The following PARD3B variants were observed in gnomAD, a reference collection of about 807,000 sequenced individuals.
PARD3B encodes par-3 family cell polarity regulator beta, also known as partitioning defective 3 homolog B.
In PARD3B, 103 loss-of-function variants were observed where a neutral mutation model predicts 130.2. The observed-to-expected ratio is 0.79, with a 90% CI of 0.67 to 0.93. PARD3B has a LOEUF of 0.93. PARD3B is among the 40% of genes least tolerant of loss of function. The pLI is 0.00. For missense variants in PARD3B, 1,609 were observed against 1,499.2 expected (o/e 1.07, Z -1.21); for synonymous variants, 583 against 553.2 (o/e 1.05, Z -0.76).
chr2:204,666,792 A>T (rs1056281831), intron 1 of PARD3B, among the ~76,000 whole-genome samples: 1 of 152,070 alleles, frequency 6.6e-6, no homozygotes, highest in African/African-American at 2.4e-5. Flanking sequence ...CTATGTTGAG[A>T]TGTAAGGTTG....
Position 205,291,991 on chromosome 2 carries a change from G to A in PARD3B, c.2186-8539G>A, listed in dbSNP as rs1015712392. On this transcript the variant is annotated intron_variant, in intron 16 of 22. Coordinates refer to ENST00000406610, the MANE Select transcript of PARD3B (RefSeq NM_001302769.2). This position sits in a 1 kb window ranked among gnomAD's most constrained non-coding sequence, Gnocchi z 4.6. The stretch of plus-strand genomic sequence containing the variant: ...GCAAGGGCCCTGGAGACAGAGTGGT[G>A]TCAAAGGAGGGGCTGCTGGTGCCCT... Among the ~76,000 whole-genome samples, 2 of 152,232 alleles carry A rather than the reference G, an allele frequency of 1.3e-5. No individual in the cohort carries two copies. The highest frequency in any genetic ancestry group is 2.9e-5 in the Non-Finnish European group (2 of 68,030).
intron 3 of PARD3B, among the ~76,000 whole-genome samples, chr2:205,002,895 T>G (rs1024241969): frequency 6.6e-6 from 1 of 152,194 alleles, no homozygotes; most frequent in Non-Finnish European, 1.5e-5. Flanking sequence ...GCCGGGGTAA[T>G]GCACTCCTCC....
At chr2:204,798,341 G>C (rs1357002354) in intron 2 of PARD3B, among the ~76,000 whole-genome samples, 1 of 152,214 alleles carries the variant, frequency 6.6e-6, no homozygotes, top group Non-Finnish European at 1.5e-5. Context: ...CACTCATGGA[G>C]GGAGCATTTA....
chr2:204,550,908 TA>T (rs1469899644), intron 1 of PARD3B, among the ~76,000 whole-genome samples: 3 of 152,226 alleles, frequency 2.0e-5, no homozygotes, highest in Admixed American at 1.3e-4. Flanking sequence ...CCTTGTTACC[TA>T]AATAGATTTT....
At chr2:205,066,411 G>A (rs1303218743) in intron 4 of PARD3B, among the ~76,000 whole-genome samples, 2 of 152,168 alleles carry the variant, frequency 1.3e-5, no homozygotes, top group Non-Finnish European at 2.9e-5. Flanking sequence ...AACCAATGAA[G>A]CAGAAAACTC....
intron 16 of PARD3B, among the ~76,000 whole-genome samples, chr2:205,297,680 A>G (rs916177230): frequency 3.9e-5 from 6 of 152,138 alleles, no homozygotes; most frequent in Admixed American, 3.9e-4. Flanking sequence ...CTTCTCTAAC[A>G]TGAGTCCCTA....
At chr2:205,598,012 C>G (rs1453800357) in intron 22 of PARD3B, among the ~76,000 whole-genome samples, 1 of 152,200 alleles carries the variant, frequency 6.6e-6, no homozygotes, top group African/African-American at 2.4e-5. Flanking sequence ...CAAAAACACA[C>G]TTAAGTACGT....
In PARD3B at chr2:205,292,858, G is replaced by A. The variant is rs2105878807; in HGVS notation, c.2186-7672G>A. Among the ~76,000 whole-genome samples the A allele has an allele frequency of 6.6e-6, 1 of 152,170 alleles. No homozygotes were observed. The highest frequency in any genetic ancestry group is 1.9e-4 in the East Asian group (1 of 5,170). On this transcript the variant is annotated intron_variant, in intron 16 of 22. Coordinates refer to ENST00000406610, the MANE Select transcript of PARD3B (RefSeq NM_001302769.2). This position sits in a 1 kb window ranked among gnomAD's most constrained non-coding sequence, Gnocchi z 5.3. Reference sequence around the variant, plus strand: ...CACATTTATCTTCCATTCCTCTTAGGACCAAGCACAGTTATGAGCCACAAA... The same window carrying A: ...CACATTTATCTTCCATTCCTCTTAGAACCAAGCACAGTTATGAGCCACAAA...
intron 1 of PARD3B, among the ~76,000 whole-genome samples, chr2:204,577,388 T>C (rs1370837384): frequency 6.6e-6 from 1 of 152,196 alleles, no homozygotes; most frequent in African/African-American, 2.4e-5. Context: ...GTCTTAGAGG[T>C]TTAGTACCTA....
At chr2:205,433,941 A>G (rs1336714825) in intron 19 of PARD3B, among the ~76,000 whole-genome samples, 3 of 152,224 alleles carry the variant, frequency 2.0e-5, no homozygotes, top group Admixed American at 6.5e-5. Flanking sequence ...AATTTTTGCT[A>G]TGATGAATAA....
intron 2 of PARD3B, among the ~76,000 whole-genome samples, chr2:204,883,757 T>TATGGGAATAAATACAAGATAATA (rs2046167623): frequency 6.6e-6 from 1 of 150,560 alleles, no homozygotes. Flanking sequence ...ATATATTTTT[T>TATGGGAATAAATACAAGATAATA]GAGACGGAGT....
In PARD3B at chr2:205,244,905, CTG is replaced by C. The variant is rs1015126848; in HGVS notation, c.2141-868_2141-867del. On this transcript the variant is annotated intron_variant, in intron 15 of 22. Coordinates refer to ENST00000406610, the MANE Select transcript of PARD3B (RefSeq NM_001302769.2). The surrounding 1 kb of genome is among the most constrained non-coding windows in gnomAD (Gnocchi z 4.7). ...TTGGAAATAGGCACTATTCCCAGCC[CTG>C]TGTGAACTTCGGATGCTGTTCCTCT... 6.6e-6 allele frequency among the ~76,000 whole-genome samples: 1 copy of C among 152,208 alleles called. No individual in the cohort carries two copies. The highest frequency in any genetic ancestry group is 1.5e-5 in the Non-Finnish European group (1 of 68,036).
intron 2 of PARD3B, among the ~76,000 whole-genome samples, chr2:204,893,668 T>C (rs924396211): frequency 1.8e-4 from 28 of 152,158 alleles, no homozygotes; most frequent in African/African-American, 6.8e-4. Context: ...GGAAAAGTTA[T>C]GGAAATAAGG....
At chr2:204,624,148 C>T (rs186677827) in intron 1 of PARD3B, among the ~76,000 whole-genome samples, 4 of 151,996 alleles carry the variant, frequency 2.6e-5, no homozygotes, top group Admixed American at 2.6e-4. Context: ...TTCTATAACT[C>T]AATTGAAAAG....
chr2:204,934,957 A>G (rs189950346), intron 2 of PARD3B, among the ~76,000 whole-genome samples: 2 of 152,260 alleles, frequency 1.3e-5, no homozygotes, highest in African/African-American at 2.4e-5. Context: ...TTTATTGACA[A>G]TGAAGTATAA....
chr2:204,963,848 G>A (rs1690963665), intron 2 of PARD3B, among the ~76,000 whole-genome samples: 1 of 152,172 alleles, frequency 6.6e-6, no homozygotes, highest in South Asian at 2.1e-4. Flanking sequence ...TTTCTTTTCT[G>A]TGGCAAGAGG....
chr2:205,104,648 A>G (rs1703071959), intron 5 of PARD3B, 134 bp downstream of exon 5: 2 of 598,046 alleles, frequency 3.3e-6, no homozygotes, highest in Non-Finnish European at 2.9e-6. Flanking sequence ...TCCCAAGTCT[A>G]ACAGTTACTT....
At chr2:205,169,873 G>T (rs2035047212) in intron 11 of PARD3B, among the ~76,000 whole-genome samples, 1 of 151,292 alleles carries the variant, frequency 6.6e-6, no homozygotes, top group Non-Finnish European at 1.5e-5. Flanking sequence ...TATTTCTCCA[G>T]TTATATCTCA....
intron 16 of PARD3B, among the ~76,000 whole-genome samples, chr2:205,297,145 G>T (rs1424812669): frequency 6.6e-6 from 1 of 152,044 alleles, no homozygotes; most frequent in African/African-American, 2.4e-5. Context: ...AGCTATAGAT[G>T]AAAATATGAA....
Sources: allele counts gnomAD v4.1 joint callset (sites outside exome capture counted in the v4.1 genomes callset), GRCh38; gene constraint gnomAD v4.1.1; non-coding constraint Gnocchi (gnomAD v3.1); transcripts MANE v1.5; gene names NCBI Gene and HGNC (gene_info 2026-07-23, HGNC 2026-07-21).